SEC11A: variants seen among roughly 807,000 people sequenced by gnomAD.
The protein encoded by SEC11A is signal peptidase complex catalytic subunit SEC11A.
Under a neutral mutation model 25.6 loss-of-function variants are expected in SEC11A, and 14 were observed. That is an observed-to-expected ratio of 0.55 (90% confidence interval 0.36 to 0.85). The LOEUF is 0.85. Among genes scored for constraint, SEC11A ranks in the 40% least tolerant of loss-of-function variants. The pLI, the probability that SEC11A is intolerant of heterozygous loss-of-function variation, is 0.01. For missense variants in SEC11A, 153 were observed against 222.9 expected (o/e 0.69, Z 2.00); for synonymous variants, 83 against 76.4 (o/e 1.09, Z -0.45).
intron 2 of SEC11A, 96 bp from the exon 3 acceptor site, chr15:84,687,870 G>T (rs1316901139): frequency 9.7e-7 from 1 of 1,032,728 alleles, no homozygotes; most frequent in Non-Finnish European, 1.4e-6. Context: ...ATATCACTTT[G>T]GGAGTATACT....
chr15:84,705,049 C>T (rs1177795699), intron 1 of SEC11A, among the ~76,000 whole-genome samples: 3 of 151,948 alleles, frequency 2.0e-5, no homozygotes, highest in Non-Finnish European at 2.9e-5. Flanking sequence ...CTCAGCCTAC[C>T]GAGTAGCTAG....
chr15:84,693,802 G>T (rs771336751), intron 1 of SEC11A, among the ~76,000 whole-genome samples: 1 of 152,102 alleles, frequency 6.6e-6, no homozygotes, highest in Non-Finnish European at 1.5e-5. Context: ...TTGTGGTTAT[G>T]TGGAATACTA....
intron 4 of SEC11A, among the ~76,000 whole-genome samples, chr15:84,679,674 T>C (rs1897233183): frequency 6.6e-6 from 1 of 152,230 alleles, no homozygotes; most frequent in Non-Finnish European, 1.5e-5. Flanking sequence ...TTTTGTATGA[T>C]GGTAAGGTGG....
At chr15:84,692,031 T>TC in intron 1 of SEC11A, 1 of 150,992 alleles carries the variant, frequency 6.6e-6, no homozygotes, top group Non-Finnish European at 1.5e-5. Flanking sequence ...TTTCTTTTTT[T>TC]TTTTTTTTTT....
intron 1 of SEC11A, among the ~76,000 whole-genome samples, chr15:84,699,207 C>T (rs984925939): frequency 1.3e-5 from 2 of 148,824 alleles, no homozygotes; most frequent in African/African-American, 2.5e-5. Context: ...CCCAGCTGCT[C>T]GGGAGGTTGA....
chr15:84,674,101 G>C (rs1897073144), intron 4 of SEC11A, among the ~76,000 whole-genome samples: 1 of 151,794 alleles, frequency 6.6e-6, no homozygotes, highest in Admixed American at 6.6e-5. Flanking sequence ...CCTTCTTAGG[G>C]TTCATGCTTT....
chr15:84,701,107 AG>A (rs1321591261), intron 1 of SEC11A, among the ~76,000 whole-genome samples: 2 of 151,520 alleles, frequency 1.3e-5, no homozygotes, highest in African/African-American at 4.9e-5. Context: ...TCAGAAGAAA[AG>A]TTTAGCAAAC....
At chr15:84,710,085 G>GT (rs1438829527) in intron 1 of SEC11A, among the ~76,000 whole-genome samples, 1 of 152,176 alleles carries the variant, frequency 6.6e-6, no homozygotes, top group African/African-American at 2.4e-5. Flanking sequence ...GCCTAGTGAA[G>GT]TAATAAGTCA....
chr15:84,687,282 G>C (rs1265109190), intron 3 of SEC11A, among the ~76,000 whole-genome samples: 1 of 152,158 alleles, frequency 6.6e-6, no homozygotes, highest in African/African-American at 2.4e-5. Flanking sequence ...CCAAAGTACT[G>C]GGATTGTAGG....
chr15:84,712,511 G>C (rs189687286), intron 1 of SEC11A, among the ~76,000 whole-genome samples: 1 of 149,126 alleles, frequency 6.7e-6, no homozygotes, highest in African/African-American at 2.5e-5. Flanking sequence ...GCAGTGGTGC[G>C]ATCTGGGCTC....
intron 1 of SEC11A, among the ~76,000 whole-genome samples, chr15:84,699,795 C>A (rs541659151): frequency 4.6e-4 from 69 of 151,360 alleles, no homozygotes; most frequent in Admixed American, 6.6e-5. Flanking sequence ...CACACACACA[C>A]AAAAAAAAGA....
At chr15:84,674,895 C>T (rs1897097055) in intron 4 of SEC11A, among the ~76,000 whole-genome samples, 1 of 152,072 alleles carries the variant, frequency 6.6e-6, no homozygotes, top group African/African-American at 2.4e-5. Flanking sequence ...TTTCTTTGCC[C>T]ACTGTAAGTG....
chr15:84,707,614 T>C (rs1184221539), intron 1 of SEC11A, among the ~76,000 whole-genome samples: 1 of 152,124 alleles, frequency 6.6e-6, no homozygotes, highest in Non-Finnish European at 1.5e-5. Context: ...ACACCTTAAG[T>C]GTTTGGATTC....
intron 1 of SEC11A, among the ~76,000 whole-genome samples, chr15:84,695,979 G>A (rs1269388531): frequency 6.6e-6 from 1 of 152,100 alleles, no homozygotes; most frequent in Non-Finnish European, 1.5e-5. Flanking sequence ...TTAAGTCCAC[G>A]CTAATGGCCA....
At chr15:84,696,590 G>C (rs923314689) in intron 1 of SEC11A, among the ~76,000 whole-genome samples, 1 of 152,180 alleles carries the variant, frequency 6.6e-6, no homozygotes, top group Non-Finnish European at 1.5e-5. Context: ...TTGGGGGTCA[G>C]ATGTGTTCCA....
intron 4 of SEC11A, 119 bp downstream of exon 4, chr15:84,680,594 T>C: frequency 9.5e-7 from 1 of 1,057,842 alleles, no homozygotes; most frequent in Non-Finnish European, 1.3e-6. Context: ...GACACAAGGG[T>C]GATTTGGTGG....
At position 84,669,840 on chromosome 15, in the gene SEC11A, G is replaced by T; in HGVS notation, c.*179C>A. On this transcript the variant is annotated 3_prime_UTR_variant, in exon 6 of 6. Coordinates refer to ENST00000268220, the MANE Select transcript of SEC11A (RefSeq NM_014300.4). ...GAAAGTCCCCTCGAGTGCACTCTGT[G>T]GTGCACATGCGCCCGCCCACACAAA... 1 of 1,053,626 alleles carries T rather than the reference G, an allele frequency of 9.5e-7. No homozygotes were observed. Among genetic ancestry groups the T allele is most frequent in the Non-Finnish European group, 1.4e-6 (1 of 726,228 alleles). The allele number at this position is 1,053,626 out of a possible 1,614,324, so 65.3% of individuals were successfully genotyped here. A position where few individuals can be genotyped will look rare whatever the true frequency, so the allele number is the denominator to read the frequency against.
intron 1 of SEC11A, among the ~76,000 whole-genome samples, chr15:84,715,702 T>C (rs1898440885): frequency 6.6e-6 from 1 of 152,124 alleles, no homozygotes; most frequent in Non-Finnish European, 1.5e-5. Flanking sequence ...GTCCGCCGCC[T>C]TAAAATGACT....
chr15:84,703,277 C>G (rs1898001611), intron 1 of SEC11A, among the ~76,000 whole-genome samples: 2 of 152,122 alleles, frequency 1.3e-5, no homozygotes, highest in African/African-American at 2.4e-5. Flanking sequence ...GTCAGATTCA[C>G]CAAGCCAAAA....
Sources: allele counts gnomAD v4.1 joint callset (sites outside exome capture counted in the v4.1 genomes callset), GRCh38; gene constraint gnomAD v4.1.1; transcripts MANE v1.5; gene names NCBI Gene and HGNC (gene_info 2026-07-23, HGNC 2026-07-21).